The following LATS1 variants were observed in gnomAD, a reference collection of about 807,000 sequenced individuals.
LATS1 encodes large tumor suppressor kinase 1.
LATS1 carries 25 observed loss-of-function variants against 106.6 expected under a neutral mutation model. That is an observed-to-expected ratio of 0.23 (90% CI 0.17 to 0.33). The LOEUF (loss-of-function observed/expected upper bound fraction) is 0.33. LATS1 is among the 10% of genes least tolerant of loss of function. LATS1 has a pLI of 1.00. For missense variants in LATS1, 1,040 were observed against 1,382.6 expected, an observed-to-expected ratio of 0.75 and a Z score of 3.93; for synonymous variants, 465 against 455.6, an observed-to-expected ratio of 1.02 and a Z score of -0.26.
At chr6:149,682,298 ACTT>A (rs896214696) in intron 4 of LATS1, among the ~76,000 whole-genome samples, 74 of 152,280 alleles carry the variant, frequency 4.9e-4, no homozygotes, top group African/African-American at 1.7e-3. Flanking sequence ...ACTGAAGGAA[ACTT>A]CTTTACACTT....
chr6:149,707,013 T>TC (rs1304662367), intron 1 of LATS1, among the ~76,000 whole-genome samples: 19 of 132,342 alleles, frequency 1.4e-4, no homozygotes, highest in African/African-American at 5.4e-4. Context: ...GGACATCTCT[T>TC]TTTTTTTTTT....
intron 3 of LATS1, among the ~76,000 whole-genome samples, chr6:149,694,678 A>G (rs1334340106): frequency 6.6e-6 from 1 of 152,192 alleles, no homozygotes; most frequent in Non-Finnish European, 1.5e-5. Context: ...ATACACCAAA[A>G]TATTGTTATT....
At chr6:149,682,641 C>T (rs1782117371) in intron 4 of LATS1, among the ~76,000 whole-genome samples, 1 of 151,974 alleles carries the variant, frequency 6.6e-6, no homozygotes, top group African/African-American at 2.4e-5. Flanking sequence ...GTCTCGATCT[C>T]CTGACCTCAT....
intron 5 of LATS1, 80 bp from the exon 6 acceptor site, chr6:149,676,817 G>T (rs1314094667): frequency 3.0e-5 from 38 of 1,284,918 alleles, no homozygotes; most frequent in Non-Finnish European, 4.1e-5. Flanking sequence ...CTGACATCGT[G>T]GTTTAGGGTT....
At chr6:149,690,459 C>T (rs1241837659) in intron 3 of LATS1, among the ~76,000 whole-genome samples, 1 of 151,838 alleles carries the variant, frequency 6.6e-6, no homozygotes, top group Non-Finnish European at 1.5e-5. Context: ...GTGATCCACC[C>T]GCCCCAGCCT....
At chr6:149,680,525 G>C in intron 4 of LATS1, 68 bp from the exon 5 acceptor site, 1 of 1,173,032 alleles carries the variant, frequency 8.5e-7, no homozygotes, top group South Asian at 1.6e-5. Context: ...GAAATAGCTT[G>C]GGAAAAATTC....
At chr6:149,691,762 C>T (rs1241852782) in intron 3 of LATS1, among the ~76,000 whole-genome samples, 3 of 152,170 alleles carry the variant, frequency 2.0e-5, no homozygotes, top group African/African-American at 7.2e-5. Context: ...ACATACATCC[C>T]CACCTCCCTA....
chr6:149,679,342 A>C (rs1332690987), intron 5 of LATS1, among the ~76,000 whole-genome samples: 1 of 152,108 alleles, frequency 6.6e-6, no homozygotes, highest in East Asian at 1.9e-4. Context: ...ACCTGAGGTC[A>C]GGAGTTCGAG....
At chr6:149,701,376 C>A (rs1783452982) in intron 2 of LATS1, among the ~76,000 whole-genome samples, 2 of 152,146 alleles carry the variant, frequency 1.3e-5, no homozygotes, top group African/African-American at 4.8e-5. Context: ...AACTATAATT[C>A]TTTCTCCCTA....
At chr6:149,665,326 C>T (rs1056396974) in intron 7 of LATS1, among the ~76,000 whole-genome samples, 6 of 152,158 alleles carry the variant, frequency 3.9e-5, no homozygotes, top group African/African-American at 7.2e-5. Context: ...TGTGCCACTG[C>T]ACTCCAGCCT....
chr6:149,712,684 T>G (rs1784172524), intron 1 of LATS1, among the ~76,000 whole-genome samples: 2 of 152,302 alleles, frequency 1.3e-5, no homozygotes, highest in South Asian at 4.1e-4. Context: ...AGCATGCTTT[T>G]CTACATTTTA....
Position 149,717,934 on chromosome 6 carries a change from A to G in LATS1, c.-226T>C. 2.8e-6 allele frequency: 1 copy of G among 362,292 alleles called. No homozygotes were observed. Among genetic ancestry groups the G allele is most frequent in the Non-Finnish European group, 5.3e-6 (1 of 188,582 alleles). The allele number at this position is 362,292 out of a possible 1,614,324, so 22.4% of individuals were successfully genotyped here. Reference sequence around the variant, plus strand: ...GGCCAGAGTCCGTCCCAGCAACCCCAAGTATCCCTGGTGGGGCAGAGCGGG... The same window carrying G: ...GGCCAGAGTCCGTCCCAGCAACCCCGAGTATCCCTGGTGGGGCAGAGCGGG... On this transcript the variant is annotated 5_prime_UTR_variant, in exon 1 of 8. Transcript: ENST00000543571.
intron 1 of LATS1, among the ~76,000 whole-genome samples, chr6:149,704,887 T>TACACACACACACACACACAC (rs57029776): frequency 1.4e-5 from 2 of 139,798 alleles, no homozygotes; most frequent in African/African-American, 5.4e-5. Flanking sequence ...AAATTAATTA[T>TACACACACACACACACACAC]ACACACACAC....
chr6:149,707,897 G>A (rs908804248), intron 1 of LATS1, among the ~76,000 whole-genome samples: 6 of 151,972 alleles, frequency 3.9e-5, no homozygotes, highest in Non-Finnish European at 7.4e-5. Flanking sequence ...ATTTTTTAGA[G>A]ACAGGGGCTC....
At chr6:149,678,351 A>G (rs1781848211) in intron 5 of LATS1, among the ~76,000 whole-genome samples, 1 of 151,174 alleles carries the variant, frequency 6.6e-6, no homozygotes, top group African/African-American at 2.4e-5. Flanking sequence ...CTCAAAAACA[A>G]ACAAACAAAC....
At chr6:149,676,457 A>C (rs1781727988) in intron 6 of LATS1, 91 bp from the exon 7 acceptor site, 2 of 1,374,904 alleles carry the variant, frequency 1.5e-6, no homozygotes, top group Admixed American at 4.2e-5. Flanking sequence ...CTTTAAAATT[A>C]ATACTTTTAT....
chr6:149,695,886 C>G (rs1469659622), intron 2 of LATS1, among the ~76,000 whole-genome samples: 1 of 151,638 alleles, frequency 6.6e-6, no homozygotes, highest in African/African-American at 2.4e-5. Flanking sequence ...CAACATGATT[C>G]TGATTACTTC....
intron 1 of LATS1, among the ~76,000 whole-genome samples, chr6:149,714,441 C>T (rs1200667667): frequency 6.6e-6 from 1 of 152,102 alleles, no homozygotes; most frequent in Non-Finnish European, 1.5e-5. Context: ...GTATTGTGCA[C>T]TCAAACTGTC....
At chr6:149,680,680 G>A (rs917966308) in intron 4 of LATS1, among the ~76,000 whole-genome samples, 1 of 149,742 alleles carries the variant, frequency 6.7e-6, no homozygotes, top group Non-Finnish European at 1.5e-5. Flanking sequence ...TGCAAATTCA[G>A]CTGTGGAGTG....
Sources: gnomAD v4.1 joint callset for allele counts (sites outside exome capture counted in the v4.1 genomes callset) on GRCh38, gnomAD v4.1.1 for gene constraint, MANE v1.5 for transcripts, NCBI Gene and HGNC (gene_info 2026-07-23, HGNC 2026-07-21) for gene names.